The following PIK3C2G variants were observed in gnomAD, a reference collection of about 807,000 sequenced individuals.
PIK3C2G encodes the protein phosphatidylinositol 3-kinase C2 domain-containing subunit gamma.
Under a neutral mutation model 181.1 loss-of-function variants are expected in PIK3C2G, and 168 were observed. The observed-to-expected ratio is 0.93, with a 90% CI of 0.82 to 1.05. PIK3C2G has a LOEUF of 1.05. Ranked by LOEUF, PIK3C2G falls within the 50% of genes least tolerant of loss-of-function variation. PIK3C2G has a pLI of 0.00. For synonymous variants in PIK3C2G, 573 were observed against 592.2 expected (o/e 0.97, Z 0.47); for missense variants, 1,869 against 1,732.8 (o/e 1.08, Z -1.40).
At chr12:18,617,240 T>A (rs10743274) in intron 31 of PIK3C2G, among the ~76,000 whole-genome samples, 151,142 of 152,204 alleles carry the variant, frequency 0.99, 75,047 homozygotes, top group Middle Eastern at 1. Flanking sequence ...ATTACCTCAA[T>A]AAAAGTGTCA....
chr12:18,388,732 T>C (rs1398577377), intron 14 of PIK3C2G, among the ~76,000 whole-genome samples: 1 of 152,212 alleles, frequency 6.6e-6, no homozygotes, highest in African/African-American at 2.4e-5. Flanking sequence ...CCGTGAGCAG[T>C]GCCAAGTAAT....
At chr12:18,341,177 T>C (rs1429792835) in intron 9 of PIK3C2G, among the ~76,000 whole-genome samples, 2 of 152,200 alleles carry the variant, frequency 1.3e-5, no homozygotes, top group Non-Finnish European at 2.9e-5. Context: ...AAAAGTTTTA[T>C]CTTCAAAACA....
At chr12:18,706,302 G>A in the PIK3C2G span, among the ~76,000 whole-genome samples, 4,761 of 151,642 alleles carry the variant, frequency 0.031, 116 homozygotes, top group Non-Finnish European at 0.049. Context: ...TTATCTACGG[G>A]TTTATGAAGA....
At chr12:18,668,427 A>C in the PIK3C2G span, among the ~76,000 whole-genome samples, 1 of 152,208 alleles carries the variant, frequency 6.6e-6, no homozygotes. Flanking sequence ...ATCAGAAATC[A>C]AATGGAACCC....
chr12:18,684,031 A>G, the PIK3C2G span: 4 of 1,373,156 alleles, frequency 2.9e-6, no homozygotes, highest in Non-Finnish European at 4.1e-6. Context: ...TTTACATCCT[A>G]CTTTATGATA....
At chr12:18,415,789 A>G (rs946451632) in intron 16 of PIK3C2G, among the ~76,000 whole-genome samples, 3 of 152,218 alleles carry the variant, frequency 2.0e-5, no homozygotes, top group African/African-American at 4.8e-5. Context: ...TGCAAGGGAC[A>G]AAGTCGGAGT....
chr12:18,328,195 G>A (rs1321963296), intron 8 of PIK3C2G, among the ~76,000 whole-genome samples: 1 of 151,820 alleles, frequency 6.6e-6, no homozygotes, highest in African/African-American at 2.4e-5. Context: ...CATCGATCTG[G>A]TCAGAAAATA....
chr12:18,455,950 C>T (rs1209807370), intron 18 of PIK3C2G, among the ~76,000 whole-genome samples: 3 of 152,134 alleles, frequency 2.0e-5, no homozygotes, highest in South Asian at 2.1e-4. Flanking sequence ...CTGTCAATGA[C>T]ATTCGCCTTA....
chr12:18,627,529 T>G (rs1380081498), intron 31 of PIK3C2G, among the ~76,000 whole-genome samples: 1 of 152,150 alleles, frequency 6.6e-6, no homozygotes. Flanking sequence ...TTGACAGAGA[T>G]AGACCTGTGG....
intron 18 of PIK3C2G, among the ~76,000 whole-genome samples, chr12:18,479,132 TACATACATACATATACACAC>T (rs1258756834): frequency 1.3e-5 from 2 of 151,520 alleles, no homozygotes; most frequent in African/African-American, 4.8e-5. Context: ...AAAGTACATA[TACATACATACATATACACAC>T]ACATACATAC....
chr12:18,650,094 A>T (rs530302332), downstream of PIK3C2G, among the ~76,000 whole-genome samples: 30 of 152,184 alleles, frequency 2.0e-4, no homozygotes, highest in African/African-American at 6.7e-4. Flanking sequence ...AGAGATGAGT[A>T]ACAAACTGCC....
the PIK3C2G span, among the ~76,000 whole-genome samples, chr12:18,668,713 T>C: frequency 6.6e-6 from 1 of 152,304 alleles, no homozygotes; most frequent in South Asian, 2.1e-4. Context: ...AAAGACCATT[T>C]ATCACTCTCT....
intron 21 of PIK3C2G, 71 bp downstream of exon 21, chr12:18,496,225 A>G: frequency 1.1e-6 from 1 of 913,300 alleles, no homozygotes; most frequent in Non-Finnish European, 1.6e-6. Flanking sequence ...CACAAAAAGA[A>G]ATTGTTGTGG....
rs7309472 is a variant in PIK3C2G, at chr12:18,501,179, C to G, written c.3017-2102C>G. Among the ~76,000 whole-genome samples the G allele has an allele frequency of 6.5e-3, 996 of 152,284 alleles. 10 individuals carry two copies. Among genetic ancestry groups the G allele is most frequent in the African/African-American group, 0.023 (969 of 41,542 alleles). On this transcript the variant is annotated intron_variant, in intron 22 of 32. Coordinates refer to ENST00000538779, the MANE Select transcript of PIK3C2G (RefSeq NM_001288772.2). ...CAGGAACCCAGCAATTCCGGACGCA[C>G]CTGGACTGGGTAATTAATAAAGGAA...
chr12:18,515,931 G>A (rs1489767776), intron 24 of PIK3C2G, among the ~76,000 whole-genome samples: 1 of 151,738 alleles, frequency 6.6e-6, no homozygotes, highest in Non-Finnish European at 1.5e-5. Context: ...CTTGCCTCAA[G>A]GAATTTTTTT....
chr12:18,610,248 A>G (rs925229952), intron 31 of PIK3C2G, among the ~76,000 whole-genome samples: 1 of 152,036 alleles, frequency 6.6e-6, no homozygotes, highest in African/African-American at 2.4e-5. Context: ...CAACTATTTT[A>G]ATCTTCCTTG....
chr12:18,640,712 A>G (rs541240011), intron 32 of PIK3C2G, among the ~76,000 whole-genome samples, 158 bp downstream of exon 32: 50 of 152,304 alleles, frequency 3.3e-4, no homozygotes, highest in African/African-American at 1.1e-3. Flanking sequence ...ACTCTTCTAG[A>G]TGCTATGGGC....
chr12:18,641,763 T>TC (rs1949853911), intron 32 of PIK3C2G, among the ~76,000 whole-genome samples: 1 of 142,100 alleles, frequency 7.0e-6, no homozygotes, highest in Non-Finnish European at 1.5e-5. Flanking sequence ...TTTTTTTTTT[T>TC]GAGATGGAGC....
intron 1 of PIK3C2G, among the ~76,000 whole-genome samples, chr12:18,249,929 T>TA (rs57627325): frequency 6.0e-4 from 90 of 150,112 alleles, no homozygotes; most frequent in Middle Eastern, 3.4e-3. Context: ...AGTTCCTTTT[T>TA]AAAAAAAAAA....
Sources: allele counts gnomAD v4.1 joint callset (sites outside exome capture counted in the v4.1 genomes callset), GRCh38; gene constraint gnomAD v4.1.1; transcripts MANE v1.5; gene names NCBI Gene and HGNC (gene_info 2026-07-23, HGNC 2026-07-21).